CDH12: variants seen among roughly 807,000 people sequenced by gnomAD.
CDH12 encodes cadherin 12, also known as cadherin-12.
CDH12 carries 41 observed loss-of-function variants against 74.1 expected under a neutral mutation model. That is an observed-to-expected ratio of 0.55 (90% confidence interval 0.43 to 0.72). The LOEUF (loss-of-function observed/expected upper bound fraction) is 0.72. Among genes scored for constraint, CDH12 ranks in the 30% least tolerant of loss-of-function variants. CDH12 has a pLI of 0.00. For missense variants in CDH12, 945 were observed against 977.2 expected (o/e 0.97, Z 0.44); for synonymous variants, 399 against 355.0 (o/e 1.12, Z -1.39).
chr5:21,766,887 T>C (rs1745056840), intron 11 of CDH12, among the ~76,000 whole-genome samples: 1 of 151,736 alleles, frequency 6.6e-6, no homozygotes, highest in Non-Finnish European at 1.5e-5. Context: ...TTTGTGTAGG[T>C]GAAACTCTGA....
intron 1 of CDH12, among the ~76,000 whole-genome samples, chr5:22,831,290 G>A (rs760757570): frequency 6.6e-6 from 1 of 151,866 alleles, no homozygotes. Context: ...TAGTGAAAGA[G>A]AATTGAGATG....
intron 4 of CDH12, among the ~76,000 whole-genome samples, chr5:22,109,373 A>T (rs1385734169): frequency 1.3e-5 from 2 of 152,224 alleles, no homozygotes; most frequent in Non-Finnish European, 2.9e-5. Flanking sequence ...CAAGTTCAGG[A>T]GTCCTCTGCT....
chr5:22,252,425 A>T lies in CDH12; in HGVS notation c.-332-39782T>A, dbSNP rs560157473. On this transcript the variant is annotated intron_variant, in intron 3 of 14. Coordinates refer to ENST00000382254, the MANE Select transcript of CDH12 (RefSeq NM_004061.5). ...AGCTAAGTAAGAGATTAGAGGTTGG[A>T]TTCGAACACTTGCTTTGTGGAATAA... Among the ~76,000 whole-genome samples the T allele has an allele frequency of 1.3e-4, 19 of 151,870 alleles. No individual in the cohort carries two copies. In the South Asian group the frequency reaches 3.7e-3, roughly 30 times the overall value.
At chr5:22,726,052 T>A (rs1272202535) in intron 1 of CDH12, among the ~76,000 whole-genome samples, 1 of 151,722 alleles carries the variant, frequency 6.6e-6, no homozygotes, top group Non-Finnish European at 1.5e-5. Flanking sequence ...CATTGACACA[T>A]CATTATCAAT....
At chr5:22,406,204 C>T (rs1037533553) in intron 2 of CDH12, among the ~76,000 whole-genome samples, 1 of 152,138 alleles carries the variant, frequency 6.6e-6, no homozygotes, top group African/African-American at 2.4e-5. Context: ...TTACAACAAC[C>T]TTCCTAGGTT....
chr5:21,906,884 C>A (rs1753665459), intron 6 of CDH12, among the ~76,000 whole-genome samples: 1 of 151,996 alleles, frequency 6.6e-6, no homozygotes, highest in African/African-American at 2.4e-5. Context: ...TCTTTGTTGC[C>A]CAGGCTGGTC....
At chr5:22,161,732 AAG>A (rs1255164563) in intron 4 of CDH12, among the ~76,000 whole-genome samples, 1 of 122,752 alleles carries the variant, frequency 8.1e-6, no homozygotes, top group East Asian at 2.0e-4. Flanking sequence ...GGGAAGGAAG[AAG>A]AGAGAGAGGG....
At chr5:21,932,966 T>C (rs1462539436) in intron 6 of CDH12, among the ~76,000 whole-genome samples, 1 of 150,916 alleles carries the variant, frequency 6.6e-6, no homozygotes, top group East Asian at 1.9e-4. Context: ...TTCTTTATCA[T>C]TGTATCTAGT....
intron 1 of CDH12, among the ~76,000 whole-genome samples, chr5:22,684,716 G>T (rs778481899): frequency 6.6e-6 from 1 of 152,176 alleles, no homozygotes; most frequent in Non-Finnish European, 1.5e-5. Flanking sequence ...ATTATACCCA[G>T]CTTCCTTTCT....
At chr5:22,287,683 A>T (rs1737215401) in intron 3 of CDH12, among the ~76,000 whole-genome samples, 1 of 148,898 alleles carries the variant, frequency 6.7e-6, no homozygotes, top group South Asian at 2.1e-4. Flanking sequence ...AGATTGCGCC[A>T]CTGCAATCCT....
chr5:22,783,709 G>A (rs1747491202), intron 1 of CDH12, among the ~76,000 whole-genome samples: 1 of 152,088 alleles, frequency 6.6e-6, no homozygotes, highest in South Asian at 2.1e-4. Context: ...AGTAGCCAGG[G>A]TGACCAGTCC....
At chr5:22,101,450 A>G (rs1580252433) in intron 4 of CDH12, among the ~76,000 whole-genome samples, 2 of 152,204 alleles carry the variant, frequency 1.3e-5, no homozygotes, top group East Asian at 3.9e-4. Context: ...CTTTCTTAAG[A>G]TCTGGGTCTC....
chr5:21,908,752 G>A (rs1753746020), intron 6 of CDH12, among the ~76,000 whole-genome samples: 1 of 152,086 alleles, frequency 6.6e-6, no homozygotes, highest in Non-Finnish European at 1.5e-5. Flanking sequence ...CTTCAATACA[G>A]TGTCACTCTG....
At chr5:22,652,343 C>G (rs1258945498) in intron 1 of CDH12, among the ~76,000 whole-genome samples, 1 of 152,104 alleles carries the variant, frequency 6.6e-6, no homozygotes, top group Non-Finnish European at 1.5e-5. Context: ...AAAAAGGAGC[C>G]TTGTTCTTGA....
chr5:22,783,505 T>C (rs536617813), intron 1 of CDH12, among the ~76,000 whole-genome samples: 1 of 152,260 alleles, frequency 6.6e-6, no homozygotes, highest in South Asian at 2.1e-4. Flanking sequence ...AAAAATAATA[T>C]TATGAATAAA....
At chr5:22,623,977 A>G (rs1192318520) in intron 1 of CDH12, among the ~76,000 whole-genome samples, 3 of 152,204 alleles carry the variant, frequency 2.0e-5, no homozygotes, top group Non-Finnish European at 4.4e-5. Flanking sequence ...ATGTAGACCA[A>G]TGGAACAGAA....
At chr5:22,776,419 G>A (rs1747107780) in intron 1 of CDH12, among the ~76,000 whole-genome samples, 1 of 152,142 alleles carries the variant, frequency 6.6e-6, no homozygotes, top group Non-Finnish European at 1.5e-5. Context: ...CACAGACTTT[G>A]TGCGTGTGTG....
chr5:22,747,495 A>G (rs76509277), intron 1 of CDH12, among the ~76,000 whole-genome samples: 1,502 of 148,062 alleles, frequency 0.01, 28 homozygotes, highest in African/African-American at 0.036. Flanking sequence ...TTGGCTGGGT[A>G]TGGTTCTGTG....
intron 1 of CDH12, among the ~76,000 whole-genome samples, chr5:22,577,986 T>C (rs1335516116): frequency 6.6e-6 from 1 of 152,162 alleles, no homozygotes; most frequent in Non-Finnish European, 1.5e-5. Flanking sequence ...ACCAGAGACA[T>C]AATTCTAAAA....
Sources: gnomAD v4.1 joint callset for allele counts (sites outside exome capture counted in the v4.1 genomes callset) on GRCh38, gnomAD v4.1.1 for gene constraint, MANE v1.5 for transcripts, NCBI Gene and HGNC (gene_info 2026-07-23, HGNC 2026-07-21) for gene names.